The following GRIN2B variants were observed in gnomAD, a reference collection of about 807,000 sequenced individuals.
GRIN2B encodes glutamate ionotropic receptor NMDA type subunit 2B.
GRIN2B carries 5 observed loss-of-function variants against 114.5 expected under a neutral mutation model. That is an observed-to-expected ratio of 0.04 (90% CI 0.02 to 0.09). GRIN2B has a LOEUF of 0.09. Among genes scored for constraint, GRIN2B ranks in the 10% least tolerant of loss-of-function variants. GRIN2B has a pLI of 1.00. For missense variants in GRIN2B, 1,108 were observed against 1,943.5 expected (o/e 0.57, Z 8.08); for synonymous variants, 787 against 745.1 (o/e 1.06, Z -0.92).
At chr12:13,591,812 C>T (rs1316191223) in intron 10 of GRIN2B, among the ~76,000 whole-genome samples, 1 of 152,154 alleles carries the variant, frequency 6.6e-6, no homozygotes, top group South Asian at 2.1e-4. Context: ...AATAGGCAGA[C>T]TCCAACCTAT....
At chr12:13,936,558 T>C (rs984979253) in intron 2 of GRIN2B, among the ~76,000 whole-genome samples, 2 of 152,192 alleles carry the variant, frequency 1.3e-5, no homozygotes, top group African/African-American at 4.8e-5. Flanking sequence ...TTCAAGGTGA[T>C]CAGCCAGTAT....
At chr12:13,947,928 C>T (rs958989144) in intron 2 of GRIN2B, among the ~76,000 whole-genome samples, 1 of 152,150 alleles carries the variant, frequency 6.6e-6, no homozygotes, top group Non-Finnish European at 1.5e-5. Flanking sequence ...ACCAGAGAAG[C>T]AGCCCCCCAT....
chr12:13,896,605 A>G (rs997708321), intron 2 of GRIN2B, among the ~76,000 whole-genome samples: 1 of 152,186 alleles, frequency 6.6e-6, no homozygotes, highest in Non-Finnish European at 1.5e-5. Flanking sequence ...ACAAAACTCC[A>G]TTCCATTTTT....
chr12:13,945,844 C>T (rs537624305), intron 2 of GRIN2B, among the ~76,000 whole-genome samples: 2 of 152,280 alleles, frequency 1.3e-5, no homozygotes, highest in South Asian at 4.2e-4. Flanking sequence ...AGTAAACCAT[C>T]TATTACTACA....
At chr12:13,789,926 T>C (rs1377371897) in intron 3 of GRIN2B, among the ~76,000 whole-genome samples, 1 of 152,162 alleles carries the variant, frequency 6.6e-6, no homozygotes. Context: ...TGCATGACCA[T>C]AGAGGTGAGG....
rs540821537 is a variant in GRIN2B at position 13,788,408 on chromosome 12, A to C, written c.412-34493T>G. Among the ~76,000 whole-genome samples, 524 of 152,336 alleles carry C rather than the reference A, an allele frequency of 3.4e-3. 2 individuals carry two copies. Among genetic ancestry groups the C allele is most frequent in the African/African-American group, 0.012 (504 of 41,584 alleles). ...ATAACCATTACTGATACTGTCAATC[A>C]GAGAAAAATTATAAAAATCTAGGCA... On this transcript the variant is annotated intron_variant, in intron 3 of 13. Transcript: ENST00000609686.
chr12:13,815,904 A>G (rs1366139392), intron 3 of GRIN2B, among the ~76,000 whole-genome samples: 1 of 152,208 alleles, frequency 6.6e-6, no homozygotes, highest in Non-Finnish European at 1.5e-5. Flanking sequence ...CAAGTAGGTG[A>G]TAACTGTAAG....
At chr12:13,820,674 T>C (rs1294358326) in intron 3 of GRIN2B, among the ~76,000 whole-genome samples, 1 of 152,204 alleles carries the variant, frequency 6.6e-6, no homozygotes, top group Non-Finnish European at 1.5e-5. Context: ...AAATGTTGAT[T>C]GAATTAATGA....
At chr12:13,604,387 G>A (rs1392729917) in intron 10 of GRIN2B, among the ~76,000 whole-genome samples, 3 of 152,058 alleles carry the variant, frequency 2.0e-5, no homozygotes, top group Non-Finnish European at 4.4e-5. Flanking sequence ...ATTTTTTTCT[G>A]CAATAAAGCT....
At chr12:13,716,104 A>T (rs1439935925) in intron 4 of GRIN2B, among the ~76,000 whole-genome samples, 1 of 151,950 alleles carries the variant, frequency 6.6e-6, no homozygotes, top group African/African-American at 2.4e-5. Context: ...TTGGTGACCT[A>T]AACATCACCA....
intron 10 of GRIN2B, among the ~76,000 whole-genome samples, chr12:13,597,199 C>G (rs1287283746): frequency 6.6e-6 from 1 of 152,126 alleles, no homozygotes; most frequent in East Asian, 1.9e-4. Context: ...AGAATAGGGT[C>G]TGGAGGAAGG....
intron 3 of GRIN2B, among the ~76,000 whole-genome samples, chr12:13,776,569 T>C (rs1864007522): frequency 6.6e-6 from 1 of 152,092 alleles, no homozygotes; most frequent in Admixed American, 6.6e-5. Context: ...GAGAACAAAT[T>C]AATATAATCT....
At position 13,855,380 on chromosome 12, in the gene GRIN2B, G is replaced by C. The variant is rs572074596; in HGVS notation, c.411+10418C>G. 2.6e-5 allele frequency among the ~76,000 whole-genome samples: 4 copies of C among 152,182 alleles called. 1 individual carries two copies. The highest frequency in any genetic ancestry group is 2.6e-4 in the Admixed American group (4 of 15,278). ...TGGTGATAGAACCAGGAAACAGCAA[G>C]GCAGTGAGATTCCAGAACTCCCTCA... On this transcript the variant is annotated intron_variant, in intron 3 of 13. Coordinates refer to ENST00000609686, the MANE Select transcript of GRIN2B (RefSeq NM_000834.5).
chr12:13,670,023 T>C (rs1277885311), intron 5 of GRIN2B, among the ~76,000 whole-genome samples: 1 of 152,098 alleles, frequency 6.6e-6, no homozygotes, highest in Non-Finnish European at 1.5e-5. Flanking sequence ...TACATTTTCA[T>C]TGCTTCAGCT....
At chr12:13,584,789 A>G (rs1948897571) in intron 10 of GRIN2B, among the ~76,000 whole-genome samples, 2 of 152,268 alleles carry the variant, frequency 1.3e-5, no homozygotes, top group South Asian at 4.1e-4. Context: ...ATGAAGTGAA[A>G]CAGAGGCATA....
intron 4 of GRIN2B, among the ~76,000 whole-genome samples, chr12:13,689,918 T>A (rs1331447672): frequency 6.6e-6 from 1 of 152,078 alleles, no homozygotes; most frequent in Non-Finnish European, 1.5e-5. Context: ...TCAAATCTTA[T>A]CCTCTCTCTA....
intron 2 of GRIN2B, among the ~76,000 whole-genome samples, chr12:13,933,731 C>G (rs1867079637): frequency 6.6e-6 from 1 of 152,158 alleles, no homozygotes; most frequent in Non-Finnish European, 1.5e-5. Flanking sequence ...ATTGTAAGAA[C>G]TGAAGGGATG....
At chr12:13,595,325 C>T (rs1949058259) in intron 10 of GRIN2B, among the ~76,000 whole-genome samples, 1 of 152,130 alleles carries the variant, frequency 6.6e-6, no homozygotes, top group Admixed American at 6.5e-5. Context: ...ATCCTGCCTG[C>T]CCTTGACTAC....
chr12:13,646,640 C>G (rs1362026651), intron 5 of GRIN2B, among the ~76,000 whole-genome samples: 1 of 152,050 alleles, frequency 6.6e-6, no homozygotes, highest in Non-Finnish European at 1.5e-5. Flanking sequence ...TCCTCTTCCT[C>G]TTCTTCCTCC....
Sources: gnomAD v4.1 joint callset for allele counts (sites outside exome capture counted in the v4.1 genomes callset) on GRCh38, gnomAD v4.1.1 for gene constraint, MANE v1.5 for transcripts, NCBI Gene and HGNC (gene_info 2026-07-23, HGNC 2026-07-21) for gene names.